The following AUTS2 variants were observed in gnomAD, a reference collection of about 807,000 sequenced individuals.
AUTS2 encodes autism susceptibility gene 2 protein.
In AUTS2, 17 loss-of-function variants were observed where a neutral mutation model predicts 112.4. The observed-to-expected ratio is 0.15, with a 90% CI of 0.10 to 0.23. AUTS2 has a LOEUF of 0.23. AUTS2 is among the 10% of genes least tolerant of loss of function. The pLI is 1.00. For synonymous variants in AUTS2, 751 were observed against 702.7 expected, an observed-to-expected ratio of 1.07 and a Z score of -1.09; for missense variants, 1,510 against 1,701.6, an observed-to-expected ratio of 0.89 and a Z score of 1.98.
intron 5 of AUTS2, among the ~76,000 whole-genome samples, chr7:70,519,532 T>C (rs1196610168): frequency 6.6e-6 from 1 of 152,232 alleles, no homozygotes; most frequent in Non-Finnish European, 1.5e-5. Context: ...TAGAATTTAA[T>C]GTAGGACATA....
intron 1 of AUTS2, among the ~76,000 whole-genome samples, chr7:69,807,426 C>T (rs1584273912): frequency 1.3e-5 from 2 of 152,086 alleles, no homozygotes; most frequent in Admixed American, 6.5e-5. Flanking sequence ...TTCTGAGTGA[C>T]TTATCTGGGT....
chr7:69,995,005 T>C (rs1472677185), intron 2 of AUTS2, among the ~76,000 whole-genome samples: 1 of 152,192 alleles, frequency 6.6e-6, no homozygotes, highest in African/African-American at 2.4e-5. Context: ...GGCTTCCAAA[T>C]GACAATGGGC....
chr7:70,430,430 T>C (rs557005109), intron 4 of AUTS2, among the ~76,000 whole-genome samples: 7 of 152,328 alleles, frequency 4.6e-5, no homozygotes, highest in African/African-American at 1.7e-4. Context: ...ATGTATTAAC[T>C]CATTCTCCTC....
chr7:69,849,032 AT>A (rs1378746533), intron 1 of AUTS2, among the ~76,000 whole-genome samples: 2 of 152,162 alleles, frequency 1.3e-5, no homozygotes, highest in Non-Finnish European at 2.9e-5. Flanking sequence ...AATAAAAAAA[AT>A]TAGCCAGTTG....
At chr7:69,757,685 C>T (rs1300639739) in intron 1 of AUTS2, among the ~76,000 whole-genome samples, 1 of 152,056 alleles carries the variant, frequency 6.6e-6, no homozygotes, top group East Asian at 1.9e-4. Context: ...TACTGTTTGC[C>T]TGCAGTTATT....
chr7:70,150,236 T>G (rs919891020), intron 4 of AUTS2, among the ~76,000 whole-genome samples: 13 of 152,280 alleles, frequency 8.5e-5, no homozygotes, highest in Admixed American at 2.0e-4. Flanking sequence ...TTACACTGAA[T>G]AAGGCTATTA....
chr7:70,789,869 C>A lies in AUTS2; in HGVS notation c.2653C>A (p.Arg885=), dbSNP rs199657836. 6.2e-7 allele frequency: 1 copy of A among 1,613,992 alleles called. No individual in the cohort carries two copies. The highest frequency in any genetic ancestry group is 1.3e-5 in the African/African-American group (1 of 74,916). Residue 885 remains arginine (R), a synonymous_variant, in exon 19 of 19, where the codon CGG becomes AGG. Transcript: ENST00000342771. ...CCGGGCTCATCTGAACACTGAGGCT[C>A]GGGAGAAGGACAAACCCAAAGAGAG... is the stretch of plus-strand genomic sequence containing the variant. ...QIRAHLNTEA[R]EKDKPKERER... is the part of the protein sequence containing the mutation.
chr7:70,197,510 C>CCTCGT (rs1810248689), intron 4 of AUTS2, among the ~76,000 whole-genome samples: 1 of 132,592 alleles, frequency 7.5e-6, no homozygotes, highest in Non-Finnish European at 1.6e-5. Context: ...CGAAGCAGGG[C>CCTCGT]GAGGCATTGC....
chr7:69,664,699 G>A (rs1009655480), intron 1 of AUTS2, among the ~76,000 whole-genome samples: 2 of 152,148 alleles, frequency 1.3e-5, no homozygotes, highest in Non-Finnish European at 2.9e-5. Flanking sequence ...TGTAGGCATC[G>A]CCCCAAACCC....
At chr7:69,796,718 G>A (rs1320964746) in intron 1 of AUTS2, among the ~76,000 whole-genome samples, 1 of 152,084 alleles carries the variant, frequency 6.6e-6, no homozygotes. Context: ...ATGCAGTTCT[G>A]TTATTTTTTT....
intron 4 of AUTS2, among the ~76,000 whole-genome samples, chr7:70,255,143 G>A (rs573826521): frequency 6.9e-6 from 1 of 143,986 alleles, no homozygotes; most frequent in South Asian, 2.2e-4. Context: ...GTATGATCTT[G>A]GCTCACTGCA....
intron 2 of AUTS2, among the ~76,000 whole-genome samples, chr7:70,042,295 A>C (rs1801283294): frequency 6.6e-6 from 1 of 151,566 alleles, no homozygotes; most frequent in African/African-American, 2.4e-5. Flanking sequence ...ATAGTTTGCT[A>C]AACTAAAGAG....
chr7:70,602,700 G>C (rs190587773), intron 5 of AUTS2, among the ~76,000 whole-genome samples: 1 of 152,294 alleles, frequency 6.6e-6, no homozygotes, highest in East Asian at 1.9e-4. Context: ...GTCGTAATTA[G>C]AGTATTTGGA....
chr7:70,163,363 G>C, intron 4 of AUTS2, among the ~76,000 whole-genome samples: 1 of 54,754 alleles, frequency 1.8e-5, no homozygotes, highest in Non-Finnish European at 4.5e-5. Context: ...GGGGGGCAGA[G>C]GGGGAGGGAG....
At chr7:69,659,985 T>C (rs1273980431) in intron 1 of AUTS2, among the ~76,000 whole-genome samples, 1 of 152,208 alleles carries the variant, frequency 6.6e-6, no homozygotes, top group East Asian at 1.9e-4. Context: ...TAACAGACTT[T>C]AGAGGGACTT....
intron 4 of AUTS2, among the ~76,000 whole-genome samples, chr7:70,326,917 CT>C (rs552893729): frequency 5.8e-5 from 7 of 120,642 alleles, no homozygotes; most frequent in African/African-American, 9.6e-5. Flanking sequence ...ATGCTTGGTT[CT>C]TTTTTTTTTT....
chr7:69,989,549 G>A (rs1278612866), intron 2 of AUTS2, among the ~76,000 whole-genome samples: 1 of 152,156 alleles, frequency 6.6e-6, no homozygotes, highest in African/African-American at 2.4e-5. Flanking sequence ...GAGGAATGTT[G>A]TGAGCAGCTA....
intron 1 of AUTS2, among the ~76,000 whole-genome samples, chr7:69,618,229 T>C (rs949308681): frequency 1.3e-5 from 2 of 152,180 alleles, no homozygotes; most frequent in Non-Finnish European, 2.9e-5. Flanking sequence ...AATTGGAATA[T>C]GCTCCCCTCG....
At chr7:69,861,756 C>A (rs1306292539) in intron 1 of AUTS2, among the ~76,000 whole-genome samples, 1 of 152,202 alleles carries the variant, frequency 6.6e-6, no homozygotes, top group African/African-American at 2.4e-5. Flanking sequence ...TCCTTGGAAT[C>A]TCCTAGAATT....
Sources: gnomAD v4.1 joint callset for allele counts (sites outside exome capture counted in the v4.1 genomes callset) on GRCh38, gnomAD v4.1.1 for gene constraint, MANE v1.5 for transcripts, NCBI Gene and HGNC (gene_info 2026-07-23, HGNC 2026-07-21) for gene names.